Variants in FHIP1A observed in about 807,000 individuals in gnomAD.
The protein encoded by FHIP1A is FHF complex subunit HOOK interacting protein 1A.
FHIP1A carries 61 observed loss-of-function variants against 88.6 expected under a neutral mutation model. That is an observed-to-expected ratio of 0.69 (90% CI 0.56 to 0.85). FHIP1A has a LOEUF of 0.85. FHIP1A is among the 40% of genes least tolerant of loss of function. The probability of loss-of-function intolerance (pLI) is 0.00; values close to 1 mark genes in which losing one functional copy is unlikely to be tolerated. For synonymous variants in FHIP1A, 478 were observed against 496.0 expected (o/e 0.96, Z 0.48); for missense variants, 1,154 against 1,273.5 (o/e 0.91, Z 1.43).
At chr4:151,472,623 T>G (rs1439522530) in intron 2 of FHIP1A, among the ~76,000 whole-genome samples, 1 of 35,060 alleles carries the variant, frequency 2.9e-5, no homozygotes, top group Non-Finnish European at 7.3e-5. Context: ...TGCCTTGCTG[T>G]TTTTTTTTTT....
intron 1 of FHIP1A, among the ~76,000 whole-genome samples, chr4:151,422,633 C>T (rs775707234): frequency 1.3e-5 from 2 of 152,306 alleles, no homozygotes; most frequent in African/African-American, 2.4e-5. Context: ...TCAAGTGATT[C>T]GCCTGCCTCA....
intron 8 of FHIP1A, among the ~76,000 whole-genome samples, chr4:151,636,268 C>T (rs1736349265): frequency 6.6e-6 from 1 of 151,862 alleles, no homozygotes; most frequent in South Asian, 2.1e-4. Context: ...AGGGGAACTT[C>T]CTAGCAATCT....
chr4:151,501,396 A>G (rs1730643451), intron 3 of FHIP1A, among the ~76,000 whole-genome samples: 1 of 152,190 alleles, frequency 6.6e-6, no homozygotes, highest in Non-Finnish European at 1.5e-5. Context: ...ATTTAATAGA[A>G]ACACCGATGT....
At chr4:151,576,499 T>A (rs1240965788) in intron 4 of FHIP1A, among the ~76,000 whole-genome samples, 2 of 152,134 alleles carry the variant, frequency 1.3e-5, no homozygotes, top group Non-Finnish European at 2.9e-5. Flanking sequence ...AGATAGGGTC[T>A]CACTATTTTG....
chr4:151,553,450 A>G (rs187873539), intron 3 of FHIP1A, among the ~76,000 whole-genome samples: 10 of 152,350 alleles, frequency 6.6e-5, no homozygotes, highest in Admixed American at 3.3e-4. Context: ...CAGTTAATGT[A>G]TCCTTTCCTT....
chr4:151,493,332 TA>T (rs1730349556), intron 3 of FHIP1A, among the ~76,000 whole-genome samples: 1 of 151,902 alleles, frequency 6.6e-6, no homozygotes, highest in Non-Finnish European at 1.5e-5. Context: ...GAAACAGTAA[TA>T]AAAAAATTGC....
chr4:151,549,297 A>G (rs1337598442), intron 3 of FHIP1A, among the ~76,000 whole-genome samples: 1 of 152,094 alleles, frequency 6.6e-6, no homozygotes, highest in African/African-American at 2.4e-5. Context: ...AGGAAGTTTA[A>G]AATGGAGAAT....
At chr4:151,579,165 G>A (rs1350427973) in intron 5 of FHIP1A, among the ~76,000 whole-genome samples, 1 of 152,192 alleles carries the variant, frequency 6.6e-6, no homozygotes, top group Non-Finnish European at 1.5e-5. Flanking sequence ...TATGATACTA[G>A]AATGGTGGGT....
chr4:151,505,303 G>C (rs1433018081), intron 3 of FHIP1A, among the ~76,000 whole-genome samples: 4 of 152,150 alleles, frequency 2.6e-5, no homozygotes, highest in Non-Finnish European at 4.4e-5. Flanking sequence ...ATAGAAGATA[G>C]GAATTGGGGA....
chr4:151,550,652 T>C (rs567039070), intron 3 of FHIP1A, among the ~76,000 whole-genome samples: 1 of 152,366 alleles, frequency 6.6e-6, no homozygotes, highest in South Asian at 2.1e-4. Context: ...AAAAGATTTC[T>C]GAATTTAAAA....
At chr4:151,539,108 C>T (rs1170752024) in intron 3 of FHIP1A, among the ~76,000 whole-genome samples, 1 of 152,174 alleles carries the variant, frequency 6.6e-6, no homozygotes, top group Non-Finnish European at 1.5e-5. Flanking sequence ...GTATATGCTT[C>T]CTTTTTCAAA....
chr4:151,471,363 T>A (rs1729507939), intron 2 of FHIP1A, among the ~76,000 whole-genome samples: 1 of 150,334 alleles, frequency 6.7e-6, no homozygotes, highest in Admixed American at 6.6e-5. Flanking sequence ...AAAACAGCAC[T>A]CTGAATCTCT....
At chr4:151,562,655 G>A (rs1733221605) in intron 3 of FHIP1A, among the ~76,000 whole-genome samples, 1 of 152,142 alleles carries the variant, frequency 6.6e-6, no homozygotes, top group Non-Finnish European at 1.5e-5. Flanking sequence ...TTGAAGGATT[G>A]TATGAGATAA....
intron 3 of FHIP1A, among the ~76,000 whole-genome samples, chr4:151,548,246 C>T (rs1732584780): frequency 6.6e-6 from 1 of 152,130 alleles, no homozygotes; most frequent in Non-Finnish European, 1.5e-5. Context: ...GTTGGTGCTA[C>T]ACCAAAATAG....
rs33979082 is a variant in FHIP1A, at chr4:151,574,911, A to AT, written c.106-2529dup. Among the ~76,000 whole-genome samples, 161 of 150,742 alleles carry AT rather than the reference A, an allele frequency of 1.1e-3. 2 individuals are homozygous for AT. The highest frequency in any genetic ancestry group is 1.7e-3 in the South Asian group (8 of 4,756). On this transcript the variant is annotated intron_variant, in intron 4 of 13. Coordinates refer to ENST00000435205, the MANE Select transcript of FHIP1A (RefSeq NM_001109977.3). ...ATTCTTGACCATTTGAGTCAATAGT[A>AT]TTTTTTTTTTCATTATTGGAAAATT...
At position 151,649,612 on chromosome 4, in the gene FHIP1A, T is replaced by C. The variant is rs928466686; in HGVS notation, c.1571T>C (p.Leu524Pro). 2 of 1,551,692 alleles carry C rather than the reference T, an allele frequency of 1.3e-6. No individual in the cohort carries two copies. The highest frequency in any genetic ancestry group is 1.7e-6 in the Non-Finnish European group (2 of 1,146,978). ...CMRDCRVWSALYDGDSPDPEM... is the reference protein window; with the variant it reads ...CMRDCRVWSAPYDGDSPDPEM... ...AGGGACTGCCGTGTCTGGTCCGCCCTGTATGATGGCGACTCCCCCGACCCT... is the reference window on the plus strand; with the variant it reads ...AGGGACTGCCGTGTCTGGTCCGCCCCGTATGATGGCGACTCCCCCGACCCT... The change falls in exon 11 of 14, where the codon CTG becomes CCG. Residue 524 changes from leucine (L) to proline (P), a missense_variant. Leu to Pro is a moderately conservative substitution (Grantham distance 98). Transcript: ENST00000435205.
At chr4:151,455,379 G>C (rs1728931331) in intron 2 of FHIP1A, among the ~76,000 whole-genome samples, 1 of 152,126 alleles carries the variant, frequency 6.6e-6, no homozygotes, top group Non-Finnish European at 1.5e-5. Flanking sequence ...GATAACCACT[G>C]CTGTCATTAA....
chr4:151,512,683 A>G (rs376818886), intron 3 of FHIP1A, among the ~76,000 whole-genome samples: 3 of 152,214 alleles, frequency 2.0e-5, no homozygotes, highest in Admixed American at 6.5e-5. Flanking sequence ...GATGCGATCA[A>G]CTGGAAGAAA....
intron 2 of FHIP1A, among the ~76,000 whole-genome samples, chr4:151,468,288 A>AAG (rs1729397054): frequency 6.6e-6 from 1 of 150,486 alleles, no homozygotes; most frequent in East Asian, 1.9e-4. Context: ...CCATCTCAAA[A>AAG]AAAAAAAAAA....
Sources: allele counts gnomAD v4.1 joint callset (sites outside exome capture counted in the v4.1 genomes callset), GRCh38; gene constraint gnomAD v4.1.1; transcripts MANE v1.5; gene names NCBI Gene and HGNC (gene_info 2026-07-23, HGNC 2026-07-21).